The following GRID1 variants were observed in gnomAD, a reference collection of about 807,000 sequenced individuals.
GRID1 encodes the protein glutamate ionotropic receptor delta type subunit 1.
GRID1 carries 28 observed loss-of-function variants against 98.0 expected under a neutral mutation model. The ratio of observed to expected loss-of-function variants is 0.29; its 90% CI spans 0.21 to 0.39. GRID1 has a LOEUF of 0.39. Ranked by LOEUF, GRID1 falls within the 10% of genes least tolerant of loss-of-function variation. The pLI is 1.00. For synonymous variants in GRID1, 553 were observed against 538.5 expected, an observed-to-expected ratio of 1.03 and a Z score of -0.37; for missense variants, 1,111 against 1,340.5, an observed-to-expected ratio of 0.83 and a Z score of 2.67.
At chr10:85,868,475 G>A (rs553950480) in intron 6 of GRID1, among the ~76,000 whole-genome samples, 3 of 152,316 alleles carry the variant, frequency 2.0e-5, no homozygotes, top group South Asian at 2.1e-4. Flanking sequence ...GCCTTGGAAG[G>A]AACCATGCGG....
At position 86,224,306 on chromosome 10, in the gene GRID1, C is replaced by G. The variant is rs189497666; in HGVS notation, c.236-17658G>C. On this transcript the variant is annotated intron_variant, in intron 2 of 15. Transcript: ENST00000327946. ...CACACCTACCCAGGCAGAGCCTTAC[C>G]AGAGAGGGGTAAGCCTCCTCCTCCC... Among the ~76,000 whole-genome samples, 16 of 152,326 alleles carry G rather than the reference C, an allele frequency of 1.1e-4. No individual in the cohort carries two copies. In the East Asian group the frequency reaches 1.5e-3, roughly 15 times the overall value.
At chr10:86,120,428 G>T (rs1844648694) in intron 4 of GRID1, among the ~76,000 whole-genome samples, 1 of 152,162 alleles carries the variant, frequency 6.6e-6, no homozygotes, top group Non-Finnish European at 1.5e-5. Context: ...TACCTATTCT[G>T]TATTATCGTT....
At chr10:86,003,650 AT>A (rs1842826431) in intron 4 of GRID1, among the ~76,000 whole-genome samples, 1 of 152,168 alleles carries the variant, frequency 6.6e-6, no homozygotes, top group Admixed American at 6.5e-5. Context: ...CAGACACCAA[AT>A]GTGAGAGCAG....
At chr10:85,641,491 G>T (rs1321672069) in intron 13 of GRID1, among the ~76,000 whole-genome samples, 2 of 152,140 alleles carry the variant, frequency 1.3e-5, no homozygotes, top group East Asian at 3.9e-4. Flanking sequence ...GTACACAAGG[G>T]GGTGGAAACA....
chr10:86,142,447 G>A (rs1274922475), intron 3 of GRID1, among the ~76,000 whole-genome samples: 3 of 152,332 alleles, frequency 2.0e-5, no homozygotes, highest in South Asian at 2.1e-4. Context: ...TCAGCCCCAG[G>A]GCAAGGCCAC....
intron 2 of GRID1, among the ~76,000 whole-genome samples, chr10:86,325,523 G>C (rs1267541682): frequency 6.6e-6 from 1 of 152,102 alleles, no homozygotes; most frequent in Admixed American, 6.6e-5. Flanking sequence ...TAAGAAAAAG[G>C]TATTCAAAAA....
intron 8 of GRID1, among the ~76,000 whole-genome samples, chr10:85,809,166 GTT>G (rs1248543188): frequency 6.6e-6 from 1 of 151,830 alleles, no homozygotes; most frequent in African/African-American, 2.4e-5. Flanking sequence ...CTATAAATAT[GTT>G]TATACCCAAT....
chr10:85,700,366 C>A (rs1460686848), intron 12 of GRID1, among the ~76,000 whole-genome samples: 1 of 152,182 alleles, frequency 6.6e-6, no homozygotes, highest in Non-Finnish European at 1.5e-5. Flanking sequence ...TGTGTCTATG[C>A]TCATGACAAC....
chr10:85,786,000 A>G (rs1842425385), intron 8 of GRID1, among the ~76,000 whole-genome samples: 1 of 152,056 alleles, frequency 6.6e-6, no homozygotes, highest in Non-Finnish European at 1.5e-5. Context: ...ACACACGTAC[A>G]CATACTATAC....
At chr10:85,752,734 C>CT (rs1842059713) in intron 8 of GRID1, among the ~76,000 whole-genome samples, 1 of 152,138 alleles carries the variant, frequency 6.6e-6, no homozygotes, top group East Asian at 1.9e-4. Context: ...GGAGCTGAGA[C>CT]TGAGAGTTAA....
intron 2 of GRID1, among the ~76,000 whole-genome samples, chr10:86,267,805 AG>A (rs1304034697): frequency 6.6e-6 from 1 of 152,190 alleles, no homozygotes; most frequent in Non-Finnish European, 1.5e-5. Context: ...CCAGAGACAC[AG>A]GCCACTAGCC....
intron 4 of GRID1, among the ~76,000 whole-genome samples, chr10:86,052,814 T>C (rs540205686): frequency 5.9e-5 from 9 of 152,270 alleles, no homozygotes; most frequent in Non-Finnish European, 1.2e-4. Flanking sequence ...ATGTTTGAAC[T>C]ATTCATATAC....
chr10:86,238,273 A>C (rs1846572375), intron 2 of GRID1, among the ~76,000 whole-genome samples: 1 of 152,180 alleles, frequency 6.6e-6, no homozygotes, highest in South Asian at 2.1e-4. Flanking sequence ...GGAGGGAAGA[A>C]TGGTTTTATA....
At position 85,747,176 on chromosome 10, in the gene GRID1, G is replaced by A. The variant is rs931251322; in HGVS notation, c.1234-17562C>T. On this transcript the variant is annotated intron_variant, in intron 8 of 15. Coordinates refer to ENST00000327946, the MANE Select transcript of GRID1 (RefSeq NM_017551.3). The stretch of plus-strand genomic sequence containing the variant: ...GTCAATTAAATAATCCAGAGAGCCT[G>A]TAAACTCAGAACTTCTGAATCAAAG... Among the ~76,000 whole-genome samples the A allele has an allele frequency of 2.6e-5, 4 of 152,258 alleles. No individual in the cohort carries two copies. The East Asian group carries it at 7.7e-4, about 29-fold the overall frequency.
chr10:85,613,095 G>T (rs1034470975), intron 15 of GRID1: 14 of 358,500 alleles, frequency 3.9e-5, no homozygotes, highest in Non-Finnish European at 7.1e-5. Flanking sequence ...GAGGCACATG[G>T]GCGGGGCAGG....
At chr10:85,935,300 G>A (rs190387787) in intron 4 of GRID1, among the ~76,000 whole-genome samples, 71 of 152,338 alleles carry the variant, frequency 4.7e-4, no homozygotes, top group African/African-American at 1.7e-3. Context: ...GGAAACTGAG[G>A]CAGGGTGAGA....
chr10:86,022,117 TCATA>T (rs780102642), intron 4 of GRID1, among the ~76,000 whole-genome samples: 38 of 152,354 alleles, frequency 2.5e-4, no homozygotes, highest in Non-Finnish European at 1.5e-4. Context: ...CACTTTACAT[TCATA>T]CAGTCTTCTA....
intron 4 of GRID1, among the ~76,000 whole-genome samples, chr10:86,124,940 C>T (rs1844731009): frequency 6.6e-6 from 1 of 152,164 alleles, no homozygotes; most frequent in African/African-American, 2.4e-5. Flanking sequence ...GCTGATACAG[C>T]CAGTGACTTG....
Position 86,192,156 on chromosome 10 carries a change from C to G in GRID1, c.520+14208G>C, listed in dbSNP as rs553823423. ...AATGCCCACCACACACAAACACATA[C>G]AATCCCATTGCAGCAACACACACCC... On this transcript the variant is annotated intron_variant, in intron 3 of 15. Transcript: ENST00000327946. This position sits in a 1 kb window ranked among gnomAD's most constrained non-coding sequence, Gnocchi z 4.8. 6.6e-6 allele frequency among the ~76,000 whole-genome samples: 1 copy of G among 152,222 alleles called. No homozygotes were observed. Among genetic ancestry groups the G allele is most frequent in the East Asian group, 1.9e-4 (1 of 5,178 alleles).
Sources: allele counts gnomAD v4.1 joint callset (sites outside exome capture counted in the v4.1 genomes callset), GRCh38; gene constraint gnomAD v4.1.1; non-coding constraint Gnocchi (gnomAD v3.1); transcripts MANE v1.5; gene names NCBI Gene and HGNC (gene_info 2026-07-23, HGNC 2026-07-21).